Variants in HS3ST1 observed in about 807,000 individuals in gnomAD.
HS3ST1 encodes heparan sulfate-glucosamine 3-sulfotransferase 1.
A neutral mutation model predicts 20.7 loss-of-function variants in HS3ST1; 8 were observed. The observed-to-expected ratio is 0.39, with a 90% CI of 0.23 to 0.70. The LOEUF (loss-of-function observed/expected upper bound fraction) is 0.70. Ranked by LOEUF, HS3ST1 falls within the 30% of genes least tolerant of loss-of-function variation. The probability of loss-of-function intolerance (pLI) is 0.46; values close to 1 mark genes in which losing one functional copy is unlikely to be tolerated. For synonymous variants in HS3ST1, 205 were observed against 190.4 expected (o/e 1.08, Z -0.63); for missense variants, 436 against 423.4 (o/e 1.03, Z -0.26).
chr4:11,426,158 C>T (rs1028286324), intron 1 of HS3ST1, among the ~76,000 whole-genome samples: 2 of 152,170 alleles, frequency 1.3e-5, no homozygotes, highest in Non-Finnish European at 2.9e-5. Context: ...GTGCCTTCCT[C>T]CAAACTTTAG....
At chr4:11,415,772 C>G (rs1718763740) in intron 1 of HS3ST1, among the ~76,000 whole-genome samples, 1 of 152,130 alleles carries the variant, frequency 6.6e-6, no homozygotes, top group South Asian at 2.1e-4. Context: ...CTGCCTTTAG[C>G]AGAGAACCTT....
At chr4:11,409,430 G>T (rs67580739) in intron 1 of HS3ST1, among the ~76,000 whole-genome samples, 33,972 of 140,266 alleles carry the variant, frequency 0.24, 4,468 homozygotes, top group Admixed American at 0.36. Flanking sequence ...CCATAAGGTT[G>T]TAAGGGTGGG....
At chr4:11,425,904 A>G (rs986432934) in intron 1 of HS3ST1, among the ~76,000 whole-genome samples, 3 of 151,908 alleles carry the variant, frequency 2.0e-5, no homozygotes, top group Admixed American at 6.5e-5. Context: ...AGCAGCCTCA[A>G]TTGAAAGCAC....
chr4:11,403,339 T>TG (rs1422927760), intron 1 of HS3ST1, among the ~76,000 whole-genome samples: 1 of 152,238 alleles, frequency 6.6e-6, no homozygotes, highest in African/African-American at 2.4e-5. Context: ...AAAGGATTTC[T>TG]GGTCCTTTTT....
chr4:11,420,329 T>C (rs1482806052), intron 1 of HS3ST1, among the ~76,000 whole-genome samples: 1 of 152,248 alleles, frequency 6.6e-6, no homozygotes, highest in Non-Finnish European at 1.5e-5. Flanking sequence ...AACGTCATGC[T>C]CCAGCAGTCG....
intron 1 of HS3ST1, 29 bp downstream of exon 1, chr4:11,428,670 C>G (rs1719133621): frequency 6.5e-6 from 1 of 153,148 alleles, no homozygotes; most frequent in African/African-American, 2.4e-5. Flanking sequence ...CGTCCTGCCA[C>G]TCTCCCACCC....
At chr4:11,407,415 TA>T (rs779512696) in intron 1 of HS3ST1, among the ~76,000 whole-genome samples, 15 of 152,296 alleles carry the variant, frequency 9.8e-5, no homozygotes, top group Non-Finnish European at 1.8e-4. Flanking sequence ...TACAAACGTT[TA>T]ACTGGATAAT....
Position 11,398,964 on chromosome 4 carries a change from G to A in HS3ST1, c.*118C>T. 1 of 886,936 alleles carries A rather than the reference G, an allele frequency of 1.1e-6. No homozygotes were observed. The highest frequency in any genetic ancestry group is 1.7e-6 in the Non-Finnish European group (1 of 581,604). 54.9% of individuals were successfully genotyped at this position (886,936 alleles called of 1,614,324 possible). ...ATTGTGAATCTAATACTGTACAGAA[G>A]TACTTTATGGATTTTACAAATAAAT... On this transcript the variant is annotated 3_prime_UTR_variant, in exon 2 of 2. Transcript: ENST00000002596.
intron 1 of HS3ST1, among the ~76,000 whole-genome samples, chr4:11,427,419 C>G (rs890458831): frequency 6.6e-6 from 1 of 152,094 alleles, no homozygotes; most frequent in Admixed American, 6.5e-5. Context: ...TCTCGGCCAC[C>G]CTCCCCGCCA....
rs141725988 is a variant in HS3ST1 at position 11,399,169 on chromosome 4, G to T, written c.837C>A (p.Pro279=). The change falls in exon 2 of 2, where the codon CCC becomes CCA. Residue 279 remains proline (P), a synonymous_variant. Transcript: ENST00000002596. This position sits in a 1 kb window ranked among gnomAD's most constrained non-coding sequence, Gnocchi z 5.1. ...ATTCGTGCAGTTTATTGAGTAGTTT[G>T]GGATCGACTTGGGGGTGCGCCCGGC... The part of the protein sequence containing the change: ...SKGRAHPQVD[P]KLLNKLHEYF... 6.2e-7 allele frequency: 1 copy of T among 1,614,152 alleles called. No individual in the cohort carries two copies. The highest frequency in any genetic ancestry group is 1.1e-5 in the South Asian group (1 of 91,072).
chr4:11,412,873 T>A (rs1052133030), intron 1 of HS3ST1, among the ~76,000 whole-genome samples: 3 of 152,184 alleles, frequency 2.0e-5, no homozygotes, highest in African/African-American at 7.2e-5. Context: ...CAAATCCCCA[T>A]CATGATGGTA....
At chr4:11,417,795 A>T (rs758163208) in intron 1 of HS3ST1, among the ~76,000 whole-genome samples, 10 of 152,218 alleles carry the variant, frequency 6.6e-5, no homozygotes, top group Non-Finnish European at 1.2e-4. Flanking sequence ...AAGATATCAG[A>T]TTTGTATTTT....
At chr4:11,417,591 T>TA (rs1156518260) in intron 1 of HS3ST1, among the ~76,000 whole-genome samples, 1 of 152,142 alleles carries the variant, frequency 6.6e-6, no homozygotes. Context: ...GTCCTGCACT[T>TA]AAACATTAAT....
Position 11,393,323 on chromosome 4 carries a change from A to G in HS3ST1, c.*5759T>C, listed in dbSNP as rs1460296257. ...GTCCGATAAGCTAATAAAAGAGCCT[A>G]CTACTTGGTAACAATTTCAGCCATT... On this transcript the variant is annotated 3_prime_UTR_variant, in exon 2 of 2. Coordinates refer to ENST00000002596, the MANE Select transcript of HS3ST1 (RefSeq NM_005114.4). 1 of 152,242 alleles carries G rather than the reference A, an allele frequency of 6.6e-6. No homozygotes were observed. Among genetic ancestry groups the G allele is most frequent in the Non-Finnish European group, 1.5e-5 (1 of 68,046 alleles). The allele number at this position is 152,242 out of a possible 1,614,324, so 9.4% of individuals were successfully genotyped here. A position where few individuals can be genotyped will look rare whatever the true frequency, so the allele number is the denominator to read the frequency against.
Position 11,404,601 on chromosome 4 carries a change from CAGG to C in HS3ST1, c.-108-4491_-108-4489del, listed in dbSNP as rs1362003535. Among the ~76,000 whole-genome samples the C allele has an allele frequency of 8.5e-5, 13 of 152,330 alleles. No individual in the cohort carries two copies. The East Asian group carries it at 2.3e-3, about 27-fold the overall frequency. ...ACTCACAGATTAGGAGCTTCCTGAA[CAGG>C]AGAAGAACCAGGAAGGCAGGTTTGA... On this transcript the variant is annotated intron_variant, in intron 1 of 1. Coordinates refer to ENST00000002596, the MANE Select transcript of HS3ST1 (RefSeq NM_005114.4).
intron 1 of HS3ST1, among the ~76,000 whole-genome samples, chr4:11,408,098 C>T (rs778540296): frequency 6.6e-6 from 1 of 151,902 alleles, no homozygotes; most frequent in Non-Finnish European, 1.5e-5. Context: ...TTTTGGGAGG[C>T]GGGAGATGGA....
rs148107103 is a variant in HS3ST1 at position 11,412,274 on chromosome 4, G to A, written c.-108-12161C>T. Among the ~76,000 whole-genome samples, 58 of 152,326 alleles carry A rather than the reference G, an allele frequency of 3.8e-4. 1 individual carries two copies. Among genetic ancestry groups the A allele is most frequent in the African/African-American group, 1.2e-3 (51 of 41,580 alleles). On this transcript the variant is annotated intron_variant, in intron 1 of 1. Transcript: ENST00000002596. ...TCCATGTGATGGTCAGCAAGACACA[G>A]GGATACTCTAAGCCTTGTTTACAGA... is the stretch of plus-strand genomic sequence containing the variant.
Position 11,416,968 on chromosome 4 carries a change from T to G in HS3ST1, c.-109+11731A>C, listed in dbSNP as rs1263484493. Among the ~76,000 whole-genome samples the G allele has an allele frequency of 3.3e-5, 5 of 152,098 alleles. No individual in the cohort carries two copies. In the East Asian group the frequency reaches 9.6e-4, roughly 29 times the overall value. On this transcript the variant is annotated intron_variant, in intron 1 of 1. Transcript: ENST00000002596. ...CAAAAGTTCTACGCAGAGGAAACAGTATGCGTAGGGGTGTGAATGCTCACA... is the reference window on the plus strand; with the variant it reads ...CAAAAGTTCTACGCAGAGGAAACAGGATGCGTAGGGGTGTGAATGCTCACA...
chr4:11,399,477 A>G lies in HS3ST1; in HGVS notation c.529T>C (p.Phe177Leu), dbSNP rs201094246. 6.2e-7 allele frequency: 1 copy of G among 1,613,514 alleles called. No individual in the cohort carries two copies. Among genetic ancestry groups the G allele is most frequent in the Non-Finnish European group, 8.5e-7 (1 of 1,179,898 alleles). ...KHKPYPSIEE[F>L]LVRDGRLNVD... ...TTGAGCCTGCCATCGCGCACCAGGA[A>G]CTCCTCGATGGACGGGTAGGGCTTG... The change falls in exon 2 of 2, where the codon TTC becomes CTC. Residue 177 changes from phenylalanine to leucine, a missense_variant. By Grantham distance (22) the Phe-to-Leu change is conservative (BLOSUM62 0). Transcript: ENST00000002596. This position sits in a 1 kb window ranked among gnomAD's most constrained non-coding sequence, Gnocchi z 5.1.
Sources: gnomAD v4.1 joint callset for allele counts (sites outside exome capture counted in the v4.1 genomes callset) on GRCh38, gnomAD v4.1.1 for gene constraint, Gnocchi (gnomAD v3.1) non-coding constraint, MANE v1.5 for transcripts, NCBI Gene and HGNC (gene_info 2026-07-23, HGNC 2026-07-21) for gene names.